POM121: variants seen among roughly 807,000 people sequenced by gnomAD.
POM121 encodes POM121 transmembrane nucleoporin.
Under a neutral mutation model 81.3 loss-of-function variants are expected in POM121, and 32 were observed. The observed-to-expected ratio is 0.39, with a 90% CI of 0.30 to 0.53. POM121 has a LOEUF of 0.53. Ranked by LOEUF, POM121 falls within the 20% of genes least tolerant of loss-of-function variation. The pLI is 0.66. For synonymous variants in POM121, 514 were observed against 694.2 expected, an observed-to-expected ratio of 0.74 and a Z score of 4.08; for missense variants, 1,138 against 1,614.6, an observed-to-expected ratio of 0.70 and a Z score of 5.06.
chr7:72,935,350 C>T (rs1469030923), intron 5 of POM121, among the ~76,000 whole-genome samples: 4 of 152,072 alleles, frequency 2.6e-5, no homozygotes, highest in Admixed American at 6.6e-5. Flanking sequence ...TTTTTAAAAA[C>T]TTATAATAGA....
intron 4 of POM121, among the ~76,000 whole-genome samples, chr7:72,916,447 G>A (rs1185816529): frequency 1.3e-5 from 2 of 152,140 alleles, no homozygotes; most frequent in East Asian, 3.8e-4. Context: ...GCTTGTTTTT[G>A]TCAGGTTTGT....
At chr7:72,890,918 A>G in intron 2 of POM121, 1 of 1,144,706 alleles carries the variant, frequency 8.7e-7, no homozygotes, top group Non-Finnish European at 1.3e-6. Flanking sequence ...AAAATGGAGC[A>G]TTTCTGTTAT....
rs1554503740 is a variant in POM121, at chr7:72,948,169, A to C, written c.*1935A>C. ...GTGTACAGTACACGCACTGGACGGC[A>C]GCGGGAGGCTGGGACTTTCCATTAC... On this transcript the variant is annotated 3_prime_UTR_variant, in exon 13 of 13. Coordinates refer to ENST00000434423, the MANE Select transcript of POM121 (RefSeq NM_001387691.1). The C allele has an allele frequency of 7.0e-7, 1 of 1,434,896 alleles. No individual in the cohort carries two copies. The highest frequency in any genetic ancestry group is 2.5e-5 in the East Asian group (1 of 39,836). The allele number at this position is 1,434,896 out of a possible 1,614,324, so 88.9% of individuals were successfully genotyped here. A position where few individuals can be genotyped will look rare whatever the true frequency, so the allele number is the denominator to read the frequency against.
At chr7:72,890,578 C>G in intron 1 of POM121, 1 of 1,590,548 alleles carries the variant, frequency 6.3e-7, no homozygotes, top group Non-Finnish European at 8.6e-7. Flanking sequence ...AATGTTATCC[C>G]CCTATCCCTT....
In POM121 at chr7:72,938,645, G is replaced by A. The variant is rs143081350; in HGVS notation, c.1331G>A (p.Arg444His). Residue 444 changes from arginine to histidine, a missense_variant, in exon 6 of 13, where the codon CGC (arginine) becomes CAC (histidine). Around this residue, in one of 7 missense-constraint regions of POM121, gnomAD observed 646 missense variants for 633.5 expected, o/e 1.02. Coordinates refer to ENST00000434423, the MANE Select transcript of POM121 (RefSeq NM_001387691.1). ...SSPFSSPASS[R>H]SQTPERPAKK... Reference sequence around the variant, plus strand: ...CCCTTCTCTAGCCCAGCCTCCTCCCGCTCCCAGACACCGGAGAGGCCAGCA... The same window carrying A: ...CCCTTCTCTAGCCCAGCCTCCTCCCACTCCCAGACACCGGAGAGGCCAGCA... 10 of 1,613,612 alleles carry A rather than the reference G, an allele frequency of 6.2e-6. No homozygotes were observed. Among genetic ancestry groups the A allele is most frequent in the African/African-American group, 5.3e-5 (4 of 74,838 alleles).
chr7:72,894,626 GGAGAGAGAGAGAGAGAGAGA>G (rs71071923), intron 3 of POM121, among the ~76,000 whole-genome samples: 33 of 23,344 alleles, frequency 1.4e-3, no homozygotes, highest in East Asian at 5.8e-3. Flanking sequence ...GAGAGAGAGA[GGAGAGAGAGAGAGAGAGAGA>G]GAGAGAGAGA....
rs560454461 is a variant in POM121 at position 72,905,678 on chromosome 7, C to T, written c.-215-8087C>T. ...TTGCACCTCTGCACTCCAGCCTGGG[C>T]GACAGAGCGAGATTCCATCTCAAAA... On this transcript the variant is annotated intron_variant, in intron 3 of 15. Coordinates refer to the POM121 transcript ENST00000395270. Among the ~76,000 whole-genome samples the T allele has an allele frequency of 7.0e-4, 107 of 152,270 alleles. 1 individual carries two copies. Among genetic ancestry groups the T allele is most frequent in the Admixed American group, 5.1e-3 (78 of 15,290 alleles).
At chr7:72,928,300 A>C (rs544804289) in intron 3 of POM121, 85 bp from the exon 4 acceptor site, 1 of 1,543,600 alleles carries the variant, frequency 6.5e-7, no homozygotes, top group South Asian at 1.1e-5. Context: ...TAGAGATAGT[A>C]TAAGGTCCCA....
chr7:72,890,416 T>C (rs1791188541), intron 1 of POM121, among the ~76,000 whole-genome samples: 1 of 152,092 alleles, frequency 6.6e-6, no homozygotes, highest in Non-Finnish European at 1.5e-5. Flanking sequence ...AGTTGCAAAA[T>C]AGGAGCTCAG....
At chr7:72,928,996 G>A (rs1468195072) in intron 4 of POM121, among the ~76,000 whole-genome samples, 2 of 152,222 alleles carry the variant, frequency 1.3e-5, no homozygotes, top group Non-Finnish European at 2.9e-5. Context: ...CCTGCCTTCC[G>A]TAGTTCTGCT....
Position 72,939,957 on chromosome 7 carries a change from C to G in POM121, c.1552C>G (p.Gln518Glu). 1 of 1,605,780 alleles carries G rather than the reference C, an allele frequency of 6.2e-7. No individual in the cohort carries two copies. The highest frequency in any genetic ancestry group is 8.5e-7 in the Non-Finnish European group (1 of 1,175,556). ...VQLLPSRRGE[Q>E]LTLPPPPQLG... ...GCTGCTGCCTTCTCGGCGAGGGGAA[C>G]AGCTGACCTTGGTATGGTCTTGTCC... Residue 518 changes from glutamine to glutamate, a missense_variant, in exon 8 of 13, where the codon CAG (glutamine) becomes GAG (glutamate). By Grantham distance (29) the Gln-to-Glu change is conservative. Coordinates refer to ENST00000434423, the MANE Select transcript of POM121 (RefSeq NM_001387691.1).
chr7:72,934,956 C>G (rs1351875213), intron 5 of POM121, among the ~76,000 whole-genome samples: 3 of 151,300 alleles, frequency 2.0e-5, no homozygotes, highest in African/African-American at 7.3e-5. Flanking sequence ...GTCAGTCATC[C>G]CACTTTCTCA....
chr7:72,896,252 A>G (rs1791938376), intron 3 of POM121, among the ~76,000 whole-genome samples: 2 of 152,122 alleles, frequency 1.3e-5, no homozygotes, highest in Non-Finnish European at 2.9e-5. Context: ...TCGGTGGTCA[A>G]GGTGGGCAGA....
At chr7:72,902,383 C>T (rs1277417607) in intron 3 of POM121, among the ~76,000 whole-genome samples, 4 of 151,000 alleles carry the variant, frequency 2.6e-5, no homozygotes, top group Admixed American at 6.6e-5. Flanking sequence ...CTGTCTCAGC[C>T]TCCTGAGTAG....
intron 1 of POM121, among the ~76,000 whole-genome samples, chr7:72,886,123 A>G (rs1378290275): frequency 6.6e-6 from 1 of 152,006 alleles, no homozygotes; most frequent in Non-Finnish European, 1.5e-5. Context: ...AGTGCCACAC[A>G]CTATCTATTA....
intron 4 of POM121, chr7:72,913,861 C>CA (rs1794042210): frequency 6.6e-6 from 1 of 152,266 alleles, no homozygotes; most frequent in Non-Finnish European, 1.5e-5. Context: ...GCTTCCATGA[C>CA]AGCCTGTAGC....
At chr7:72,912,640 A>G (rs1264890121) in intron 3 of POM121, among the ~76,000 whole-genome samples, 1 of 152,226 alleles carries the variant, frequency 6.6e-6, no homozygotes, top group South Asian at 2.1e-4. Flanking sequence ...TTAGCCAGGC[A>G]TGGTGGTGCA....
intron 1 of POM121, among the ~76,000 whole-genome samples, chr7:72,888,478 G>A (rs1790955060): frequency 6.6e-6 from 1 of 152,210 alleles, no homozygotes. Flanking sequence ...CCAAAGTGTT[G>A]GGATTACAGG....
intron 7 of POM121, 127 bp from the exon 8 acceptor site, chr7:72,939,720 C>G (rs1796875652): frequency 6.2e-7 from 1 of 1,605,864 alleles, no homozygotes; most frequent in East Asian, 2.2e-5. Flanking sequence ...AGCAACCAAA[C>G]CATAGAAGAT....
Sources: allele counts gnomAD v4.1 joint callset (sites outside exome capture counted in the v4.1 genomes callset), GRCh38; gene constraint gnomAD v4.1.1; regional missense constraint gnomAD v4.1.1; transcripts MANE v1.5; gene names NCBI Gene and HGNC (gene_info 2026-07-23, HGNC 2026-07-21).